Variants in NOTCH3 observed in about 807,000 individuals in gnomAD.
NOTCH3 encodes neurogenic locus notch homolog protein 3.
A neutral mutation model predicts 213.3 loss-of-function variants in NOTCH3; 86 were observed. That is an observed-to-expected ratio of 0.40 (90% CI 0.34 to 0.48). The LOEUF (loss-of-function observed/expected upper bound fraction) is 0.48. Among genes scored for constraint, NOTCH3 ranks in the 20% least tolerant of loss-of-function variants. The pLI is 0.57. For missense variants in NOTCH3, 2,783 were observed against 3,272.6 expected, an observed-to-expected ratio of 0.85 and a Z score of 3.65; for synonymous variants, 1,354 against 1,355.9, an observed-to-expected ratio of 1.00 and a Z score of 0.03.
chr19:15,185,657 G>T lies in NOTCH3; in HGVS notation c.1974C>A (p.Ile658=). 6.2e-7 allele frequency: 1 copy of T among 1,613,500 alleles called. No homozygotes were observed. The highest frequency in any genetic ancestry group is 8.5e-7 in the Non-Finnish European group (1 of 1,180,012). ...CGCATGGGCTGGAAGCACACTCATT[G>T]ATCTCCACGTTACAAAGGGGCCCTG... is the stretch of plus-strand genomic sequence containing the variant. The part of the protein sequence containing the change: ...GFTGPLCNVE[I]NECASSPCGE... Residue 658 remains isoleucine, a synonymous_variant, in exon 13 of 33, where the codon ATC becomes ATA. Transcript: ENST00000263388. This position sits in a 1 kb window ranked among gnomAD's most constrained non-coding sequence, Gnocchi z 4.2.
At chr19:15,194,682 G>C (rs547913774) in intron 2 of NOTCH3, among the ~76,000 whole-genome samples, 1 of 152,038 alleles carries the variant, frequency 6.6e-6, no homozygotes, top group Non-Finnish European at 1.5e-5. Context: ...ATGTCCAAGC[G>C]CGGTGGCTCA....
rs776488919 is a variant in NOTCH3, at chr19:15,191,944, A to G, written c.679+16T>C. ...CACGCCCACCCCTCTGACTCTCCTG[A>G]GTAGGGCTCACTCACCAGGAAGACA... On this transcript the variant is annotated intron_variant, in intron 4 of 32. Transcript: ENST00000263388. 6.2e-7 allele frequency: 1 copy of G among 1,613,500 alleles called. No individual in the cohort carries two copies. Among genetic ancestry groups the G allele is most frequent in the Admixed American group, 1.7e-5 (1 of 60,008 alleles).
At position 15,178,820 on chromosome 19, in the gene NOTCH3, T is replaced by C. The variant is rs2046813810; in HGVS notation, c.3837+3A>G. 1.3e-6 allele frequency: 2 copies of C among 1,588,704 alleles called. No individual in the cohort carries two copies. Among genetic ancestry groups the C allele is most frequent in the African/African-American group, 1.3e-5 (1 of 74,538 alleles). On this transcript the variant is annotated splice_donor_region_variant and intron_variant, in intron 23 of 32. Transcript: ENST00000263388. Reference sequence around the variant, plus strand: ...TCCTCCAAAGGCCGCCACCCACACCTACCTGGGCACAGTGACAGGTGAAGG... The same window carrying C: ...TCCTCCAAAGGCCGCCACCCACACCCACCTGGGCACAGTGACAGGTGAAGG...
intron 28 of NOTCH3, among the ~76,000 whole-genome samples, chr19:15,168,670 C>T (rs1402957839): frequency 6.6e-6 from 1 of 151,956 alleles, no homozygotes; most frequent in Non-Finnish European, 1.5e-5. Context: ...CCCATCTCTA[C>T]TAAAAATACA....
chr19:15,163,004 G>A (rs538000393), intron 31 of NOTCH3, among the ~76,000 whole-genome samples: 2 of 152,188 alleles, frequency 1.3e-5, no homozygotes, highest in African/African-American at 4.8e-5. Flanking sequence ...GCTGGGCTCA[G>A]GCGATTTTCC....
At chr19:15,192,656 TG>T in intron 2 of NOTCH3, 137 bp from the exon 3 acceptor site, 1 of 1,282,446 alleles carries the variant, frequency 7.8e-7, no homozygotes, top group Non-Finnish European at 1.1e-6. Context: ...GGCTCACGCC[TG>T]TAATCCCAGA....
At position 15,174,270 on chromosome 19, in the gene NOTCH3, C is replaced by A. The variant is rs375087797; in HGVS notation, c.4534G>T (p.Val1512Leu). 5 of 1,569,742 alleles carry A rather than the reference C, an allele frequency of 3.2e-6. No homozygotes were observed. The highest frequency in any genetic ancestry group is 4.3e-6 in the Non-Finnish European group (5 of 1,160,618). The change falls in exon 25 of 33, where the codon GTG becomes TTG. Residue 1512 changes from valine (V) to leucine (L), a missense_variant. Physicochemically the swap from Val to Leu is conservative, Grantham distance 32. This residue lies in a region of NOTCH3 where 636 missense variants were observed against 801.8 expected (regional missense o/e 0.79). Transcript: ENST00000263388. ...SEVPALLARG[V>L]LVLTVLLPPE... Reference sequence around the variant, plus strand: ...GGCAGCAGCACTGTGAGCACCAGCACGCCGCGGGCCAGCAGGGCCGGCACC... The same window carrying A: ...GGCAGCAGCACTGTGAGCACCAGCAAGCCGCGGGCCAGCAGGGCCGGCACC...
Position 15,166,004 on chromosome 19 carries a change from GATGTGTC to G in NOTCH3, c.5443_5449del (p.Asp1815GlnfsTer8). On this transcript the variant is annotated frameshift_variant, in exon 30 of 33. Transcript: ENST00000263388. LOFTEE classifies it high-confidence loss of function. ...GATCAGGTCGGAGATGATGCTAGCT[GATGTGTC>G]ATCTGCCTCATCCTCTTCAGTTGGC... 6.2e-7 allele frequency: 1 copy of G among 1,614,132 alleles called. No homozygotes were observed. Among genetic ancestry groups the G allele is most frequent in the Non-Finnish European group, 8.5e-7 (1 of 1,179,980 alleles).
At chr19:15,187,749 C>G in intron 10 of NOTCH3, 132 bp downstream of exon 10, 1 of 753,520 alleles carries the variant, frequency 1.3e-6, no homozygotes, top group Non-Finnish European at 2.3e-6. Context: ...ATTGGCTCCA[C>G]CCCCCAACTC....
rs572814447 is a variant in NOTCH3, at chr19:15,181,720, C to A, written c.2648G>T (p.Arg883Leu). 4.5e-6 allele frequency: 7 copies of A among 1,570,544 alleles called. No homozygotes were observed. The Admixed American group carries it at 1.1e-4, about 25-fold the overall frequency. ...GCACTCATCCACATCGCGGGCGCAT[C>A]GTGGGCCGGCGAAACCAGGGAGGCA... ...CSCLPGFAGP[R>L]CARDVDECLS... Residue 883 changes from arginine to leucine, a missense_variant, in exon 17 of 33, where the codon CGA becomes CTA. By Grantham distance (102) the Arg-to-Leu change is moderately radical. Around this residue, in one of 6 missense-constraint regions of NOTCH3, gnomAD observed 861 missense variants for 909.1 expected, o/e 0.95. Coordinates refer to ENST00000263388, the MANE Select transcript of NOTCH3 (RefSeq NM_000435.3).
intron 19 of NOTCH3, 33 bp from the exon 20 acceptor site, chr19:15,180,289 T>C (rs776162398): frequency 6.2e-7 from 1 of 1,609,924 alleles, no homozygotes; most frequent in South Asian, 1.1e-5. Flanking sequence ...GGAACAGAGG[T>C]AACCCCATAC....
chr19:15,173,970 G>T, intron 25 of NOTCH3, 98 bp downstream of exon 25: 2 of 1,053,296 alleles, frequency 1.9e-6, no homozygotes, highest in South Asian at 1.6e-5. Context: ...GACATCTGGT[G>T]GGTAAAGGCA....
chr19:15,170,320 A>C lies in NOTCH3; in HGVS notation c.5114+11T>G, dbSNP rs2046721049. 6.2e-7 allele frequency: 1 copy of C among 1,610,508 alleles called. No individual in the cohort carries two copies. The highest frequency in any genetic ancestry group is 8.5e-7 in the Non-Finnish European group (1 of 1,177,728). Reference sequence around the variant, plus strand: ...CCGTAGTCAGGGACAGGGAGCGAGCAGGGTTCTCACTTCATGCCCAGCGCG... The same window carrying C: ...CCGTAGTCAGGGACAGGGAGCGAGCCGGGTTCTCACTTCATGCCCAGCGCG... On this transcript the variant is annotated intron_variant, in intron 27 of 32. Transcript: ENST00000263388.
In NOTCH3 at chr19:15,165,675, C is replaced by T; in HGVS notation, c.5667+112G>A. On this transcript the variant is annotated intron_variant, in intron 30 of 32. Coordinates refer to ENST00000263388, the MANE Select transcript of NOTCH3 (RefSeq NM_000435.3). The surrounding 1 kb of genome is among the most constrained non-coding windows in gnomAD (Gnocchi z 4.7). Reference sequence around the variant, plus strand: ...TGACAGATACTGTATTCCCATATATCCCCATTTTCCAAATGAGAAAAAATG... The same window carrying T: ...TGACAGATACTGTATTCCCATATATTCCCATTTTCCAAATGAGAAAAAATG... The T allele has an allele frequency of 2.4e-6, 3 of 1,229,536 alleles. No homozygotes were observed. Among genetic ancestry groups the T allele is most frequent in the Non-Finnish European group, 3.3e-6 (3 of 904,982 alleles). The allele number at this position is 1,229,536 out of a possible 1,614,324, so 76.2% of individuals were successfully genotyped here. A position where few individuals can be genotyped will look rare whatever the true frequency, so the allele number is the denominator to read the frequency against.
Position 15,161,514 on chromosome 19 carries a change from G to A in NOTCH3, c.6114C>T (p.Gly2038=). The change falls in exon 33 of 33, where the codon GGC becomes GGT. Residue 2038 remains glycine, a synonymous_variant. Transcript: ENST00000263388. ...SGPRSPPGPH[G]LGPLLCPPGA... ...CTGGAGGACAGAGCAGAGGCCCCAGGCCGTGGGGACCGGGGGGGCTGCGGG... is the reference window on the plus strand; with the variant it reads ...CTGGAGGACAGAGCAGAGGCCCCAGACCGTGGGGACCGGGGGGGCTGCGGG... The A allele has an allele frequency of 1.3e-6, 2 of 1,595,234 alleles. No homozygotes were observed. Among genetic ancestry groups the A allele is most frequent in the Non-Finnish European group, 1.7e-6 (2 of 1,171,094 alleles).
At chr19:15,175,556 C>CATATATATATATATATATATAT (rs71168593) in intron 24 of NOTCH3, among the ~76,000 whole-genome samples, 1 of 90,222 alleles carries the variant, frequency 1.1e-5, no homozygotes, top group African/African-American at 4.6e-5. Context: ...AAAAAAAATA[C>CATATATATATATATATATATAT]ATATATATAT....
intron 15 of NOTCH3, 91 bp downstream of exon 15, chr19:15,184,815 T>C (rs758461270): frequency 5.2e-6 from 4 of 763,346 alleles, no homozygotes; most frequent in East Asian, 2.7e-5. Context: ...GGGCTGGGGA[T>C]GGGTCCCTCT....
At position 15,179,191 on chromosome 19, in the gene NOTCH3, G is replaced by C. The variant is rs763112778; in HGVS notation, c.3552C>G (p.Asp1184Glu). 36 of 1,614,072 alleles carry C rather than the reference G, an allele frequency of 2.2e-5. No homozygotes were observed. Among genetic ancestry groups the C allele is most frequent in the Non-Finnish European group, 3.1e-5 (36 of 1,180,008 alleles). Reference protein sequence around the residue: ...PRCLHNGTCVDLVGGFRCTCP... With the variant: ...PRCLHNGTCVELVGGFRCTCP... Reference sequence around the variant, plus strand: ...AGGTGCAGCGGAAACCACCCACCAGGTCCACGCAGGTGCCATTGTGTAGGC... The same window carrying C: ...AGGTGCAGCGGAAACCACCCACCAGCTCCACGCAGGTGCCATTGTGTAGGC... The change falls in exon 22 of 33, where the codon GAC (aspartate) becomes GAG (glutamate). Residue 1184 changes from aspartate to glutamate, a missense_variant. Transcript: ENST00000263388.
rs2046768530 is a variant in NOTCH3 at position 15,174,297 on chromosome 19, C to G, written c.4507G>C (p.Glu1503Gln). 1 of 1,557,162 alleles carries G rather than the reference C, an allele frequency of 6.4e-7. No homozygotes were observed. The highest frequency in any genetic ancestry group is 8.7e-7 in the Non-Finnish European group (1 of 1,152,276). The change falls in exon 25 of 33, where the codon GAG becomes CAG. Residue 1503 changes from glutamate (E) to glutamine (Q), a missense_variant. This residue lies in a region of NOTCH3 where 636 missense variants were observed against 801.8 expected (regional missense o/e 0.79). Coordinates refer to ENST00000263388, the MANE Select transcript of NOTCH3 (RefSeq NM_000435.3). ...CCGCGGGCCAGCAGGGCCGGCACCT[C>G]GCTGGCACAATCCAGCCCATCCCAG... Reference protein sequence around the residue: ...CGWDGLDCASEVPALLARGVL... With the variant: ...CGWDGLDCASQVPALLARGVL...
Sources: allele counts gnomAD v4.1 joint callset (sites outside exome capture counted in the v4.1 genomes callset), GRCh38; gene constraint gnomAD v4.1.1; regional missense constraint gnomAD v4.1.1; non-coding constraint Gnocchi (gnomAD v3.1); transcripts MANE v1.5; gene names NCBI Gene and HGNC (gene_info 2026-07-23, HGNC 2026-07-21).